The following CDKAL1 variants were observed in gnomAD, a reference collection of about 807,000 sequenced individuals.
CDKAL1 encodes CDKAL1 threonylcarbamoyladenosine tRNA methylthiotransferase.
Under a neutral mutation model 68.2 loss-of-function variants are expected in CDKAL1, and 32 were observed. The ratio of observed to expected loss-of-function variants is 0.47; its 90% CI spans 0.35 to 0.63. The LOEUF is 0.63. Among genes scored for constraint, CDKAL1 ranks in the 30% least tolerant of loss-of-function variants. The pLI is 0.00. For missense variants in CDKAL1, 606 were observed against 696.7 expected, an observed-to-expected ratio of 0.87 and a Z score of 1.47; for synonymous variants, 234 against 244.3, an observed-to-expected ratio of 0.96 and a Z score of 0.39.
intron 5 of CDKAL1, among the ~76,000 whole-genome samples, chr6:20,703,970 A>T (rs1043531228): frequency 6.6e-6 from 1 of 152,222 alleles, no homozygotes; most frequent in South Asian, 2.1e-4. Context: ...AACACTAATA[A>T]AATTATGTCT....
intron 5 of CDKAL1, among the ~76,000 whole-genome samples, chr6:20,694,857 G>C (rs187539571): frequency 1.3e-5 from 2 of 152,218 alleles, no homozygotes; most frequent in Non-Finnish European, 1.5e-5. Flanking sequence ...TAATGAGTGG[G>C]TTCTTGCTGT....
chr6:20,653,056 G>A (rs1768847497), intron 5 of CDKAL1, among the ~76,000 whole-genome samples: 1 of 152,170 alleles, frequency 6.6e-6, no homozygotes. Context: ...ATTACGCTTT[G>A]AGATTTATTC....
At chr6:20,739,176 T>C (rs1773333162) in intron 5 of CDKAL1, among the ~76,000 whole-genome samples, 1 of 152,224 alleles carries the variant, frequency 6.6e-6, no homozygotes, top group Non-Finnish European at 1.5e-5. Context: ...TTAAAATAAG[T>C]AACCTACTTG....
intron 7 of CDKAL1, among the ~76,000 whole-genome samples, chr6:20,777,791 A>ACATACATC (rs1299714753): frequency 2.0e-5 from 3 of 152,214 alleles, no homozygotes; most frequent in Non-Finnish European, 4.4e-5. Context: ...TTTTTCCCAT[A>ACATACATC]CATACATCCA....
chr6:20,768,168 G>A (rs571629804), intron 7 of CDKAL1, among the ~76,000 whole-genome samples: 47 of 152,282 alleles, frequency 3.1e-4, no homozygotes, highest in Admixed American at 1.6e-3. Flanking sequence ...TGTGACAGGT[G>A]AGAGTCCTTG....
chr6:20,828,894 T>A (rs1363564352), intron 8 of CDKAL1, among the ~76,000 whole-genome samples: 1 of 152,164 alleles, frequency 6.6e-6, no homozygotes, highest in Non-Finnish European at 1.5e-5. Flanking sequence ...TCTGTCTCTA[T>A]GAACTTGACT....
intron 8 of CDKAL1, among the ~76,000 whole-genome samples, chr6:20,818,332 A>G (rs1777134178): frequency 6.6e-6 from 1 of 152,148 alleles, no homozygotes; most frequent in African/African-American, 2.4e-5. Context: ...CTCACATACT[A>G]TACAGCAATA....
chr6:20,546,375 C>T lies in CDKAL1; in HGVS notation c.25C>T (p.Leu9=), dbSNP rs778515632. 3.7e-6 allele frequency: 6 copies of T among 1,613,352 alleles called. No homozygotes were observed. In the African/African-American group the frequency reaches 4.0e-5, roughly 11 times the overall value. Residue 9 remains leucine, a synonymous_variant, in exon 3 of 16, where the codon CTA becomes TTA. Coordinates refer to ENST00000274695, the MANE Select transcript of CDKAL1 (RefSeq NM_017774.3). MPSASCDT[L]LDDIEDIVSQ... ...TATGCCTTCTGCATCCTGTGATACA[C>T]TACTGGATGACATCGAAGATATCGT... is the stretch of plus-strand genomic sequence containing the variant.
chr6:20,754,548 A>C (rs966001386), intron 6 of CDKAL1, among the ~76,000 whole-genome samples: 1 of 152,204 alleles, frequency 6.6e-6, no homozygotes, highest in Non-Finnish European at 1.5e-5. Flanking sequence ...CTGGTTGGCT[A>C]ATGATGTTGA....
intron 12 of CDKAL1, among the ~76,000 whole-genome samples, chr6:21,105,077 G>A (rs1223454370): frequency 6.6e-6 from 1 of 152,174 alleles, no homozygotes; most frequent in Non-Finnish European, 1.5e-5. Context: ...AACAAAGGAA[G>A]TGTTAGCATC....
rs201305000 is a variant in CDKAL1 at position 20,785,464 on chromosome 6, C to T, written c.638+4199C>T. Reference sequence around the variant, plus strand: ...CTGAGTAGCTGGGACTTCAGGCACACGCCACCACACCCGGCTAATTTTTGT... The same window carrying T: ...CTGAGTAGCTGGGACTTCAGGCACATGCCACCACACCCGGCTAATTTTTGT... On this transcript the variant is annotated intron_variant, in intron 8 of 15. Transcript: ENST00000274695. 7.2e-5 allele frequency among the ~76,000 whole-genome samples: 11 copies of T among 151,986 alleles called. No homozygotes were observed. In the East Asian group the frequency reaches 1.7e-3, roughly 24 times the overall value.
chr6:20,590,438 A>G (rs1765544157), intron 4 of CDKAL1, among the ~76,000 whole-genome samples: 1 of 152,086 alleles, frequency 6.6e-6, no homozygotes, highest in Non-Finnish European at 1.5e-5. Context: ...TACACGTGCC[A>G]CGGTGGTTTG....
At chr6:20,623,384 C>T (rs1469072512) in intron 4 of CDKAL1, among the ~76,000 whole-genome samples, 4 of 152,008 alleles carry the variant, frequency 2.6e-5, no homozygotes, top group African/African-American at 9.7e-5. Flanking sequence ...TAGGATATGA[C>T]ATTATTATAT....
intron 15 of CDKAL1, among the ~76,000 whole-genome samples, chr6:21,224,960 T>C (rs923554339): frequency 6.6e-6 from 1 of 152,188 alleles, no homozygotes; most frequent in Non-Finnish European, 1.5e-5. Context: ...TTTGCTCCTA[T>C]ATAAAATGTG....
At chr6:20,733,129 T>C (rs1161714144) in intron 5 of CDKAL1, among the ~76,000 whole-genome samples, 1 of 152,102 alleles carries the variant, frequency 6.6e-6, no homozygotes, top group Non-Finnish European at 1.5e-5. Context: ...GAGTCATGCT[T>C]TCAGGGAAAA....
chr6:20,871,552 C>T (rs1028021817), intron 9 of CDKAL1, among the ~76,000 whole-genome samples: 9 of 152,060 alleles, frequency 5.9e-5, no homozygotes, highest in Non-Finnish European at 1.3e-4. Flanking sequence ...AAATAGCTTT[C>T]TTAATGAAGA....
At chr6:20,758,472 C>T (rs1051391343) in intron 6 of CDKAL1, 123 bp from the exon 7 acceptor site, 9 of 684,476 alleles carry the variant, frequency 1.3e-5, no homozygotes, top group East Asian at 8.2e-5. Flanking sequence ...TCTCCAAATA[C>T]ATTAAAGGAA....
intron 8 of CDKAL1, among the ~76,000 whole-genome samples, chr6:20,838,682 A>G (rs1289562510): frequency 4.6e-5 from 7 of 152,228 alleles, no homozygotes; most frequent in South Asian, 2.1e-4. Flanking sequence ...TGAAAATCCA[A>G]CTGGAGAGGC....
chr6:20,863,108 G>A (rs1759732182), intron 9 of CDKAL1, among the ~76,000 whole-genome samples: 1 of 152,162 alleles, frequency 6.6e-6, no homozygotes, highest in Non-Finnish European at 1.5e-5. Context: ...TTGTTAACAT[G>A]CAAATTTTAT....
Sources: gnomAD v4.1 joint callset for allele counts (sites outside exome capture counted in the v4.1 genomes callset) on GRCh38, gnomAD v4.1.1 for gene constraint, MANE v1.5 for transcripts, NCBI Gene and HGNC (gene_info 2026-07-23, HGNC 2026-07-21) for gene names.